Variants in RMDN2 observed in about 807,000 individuals in gnomAD.
The protein encoded by RMDN2 is regulator of microtubule dynamics 2.
Under a neutral mutation model 52.8 loss-of-function variants are expected in RMDN2, and 61 were observed. The ratio of observed to expected loss-of-function variants is 1.16; its 90% confidence interval spans 0.94 to 1.43. The LOEUF is 1.43. Ranked by LOEUF, RMDN2 falls within the 40% of genes most tolerant of loss-of-function variation. RMDN2 has a pLI of 0.00. For synonymous variants in RMDN2, 180 were observed against 153.1 expected, an observed-to-expected ratio of 1.18 and a Z score of -1.30; for missense variants, 592 against 475.3, an observed-to-expected ratio of 1.25 and a Z score of -2.28.
At chr2:37,931,827 C>T (rs752084203) in intron 2 of RMDN2, among the ~76,000 whole-genome samples, 8 of 152,158 alleles carry the variant, frequency 5.3e-5, no homozygotes, top group Non-Finnish European at 1.2e-4. Context: ...AGACTGATGT[C>T]AGGAGAGACA....
rs542661912 is a variant in RMDN2, at chr2:37,959,643, A to G, written c.453-14397A>G. 5.2e-4 allele frequency among the ~76,000 whole-genome samples: 79 copies of G among 150,854 alleles called. 7 individuals are homozygous for G. Among genetic ancestry groups the G allele is most frequent in the African/African-American group, 1.7e-3 (70 of 40,242 alleles). On this transcript the variant is annotated intron_variant, in intron 2 of 10. Coordinates refer to ENST00000354545, the MANE Select transcript of RMDN2 (RefSeq NM_001170791.3). ...TTTTTGAAGGGTTTTTCGTGTCTCT[A>G]TCCCCTTCAGTTCTGCTCAGATCTT...
chr2:38,003,549 T>TAGAC (rs1676607175), intron 8 of RMDN2, among the ~76,000 whole-genome samples: 4 of 108,376 alleles, frequency 3.7e-5, no homozygotes, highest in Admixed American at 2.7e-4. Context: ...CAAGACCTGA[T>TAGAC]AGATAGATAG....
At chr2:38,027,022 C>G (rs944757893) in intron 10 of RMDN2, 1 of 152,090 alleles carries the variant, frequency 6.6e-6, no homozygotes, top group African/African-American at 2.4e-5. Flanking sequence ...TCTGTTCAAA[C>G]TTGTTGAGAC....
chr2:37,984,855 AT>A (rs68005469), intron 5 of RMDN2, among the ~76,000 whole-genome samples: 62,936 of 150,338 alleles, frequency 0.42, 14,443 homozygotes, highest in East Asian at 0.77. Flanking sequence ...AGAAAAAAAA[AT>A]AAAATTAAGT....
chr2:37,970,920 A>G (rs1421033229), intron 2 of RMDN2, among the ~76,000 whole-genome samples: 2 of 152,070 alleles, frequency 1.3e-5, no homozygotes, highest in Admixed American at 6.5e-5. Flanking sequence ...TTATTGTCGA[A>G]TTGTTAAGAG....
chr2:37,962,536 C>G (rs1164920208), intron 2 of RMDN2, among the ~76,000 whole-genome samples: 16 of 152,266 alleles, frequency 1.1e-4, no homozygotes, highest in African/African-American at 2.6e-4. Flanking sequence ...GTGGACGCCC[C>G]TCCCCCACCA....
intron 2 of RMDN2, among the ~76,000 whole-genome samples, chr2:37,960,365 T>C (rs1670044958): frequency 6.6e-6 from 1 of 152,148 alleles, no homozygotes; most frequent in Non-Finnish European, 1.5e-5. Context: ...AATAGTTAGC[T>C]CTTCTTGTTG....
intron 10 of RMDN2, among the ~76,000 whole-genome samples, chr2:38,039,679 A>C (rs1680832900): frequency 6.6e-6 from 1 of 152,214 alleles, no homozygotes; most frequent in Non-Finnish European, 1.5e-5. Flanking sequence ...CCAGTGTCTG[A>C]GGCTGCAGAA....
intron 10 of RMDN2, among the ~76,000 whole-genome samples, chr2:38,039,093 C>CAGAGAGAGAG (rs149752868): frequency 5.5e-5 from 5 of 91,690 alleles, no homozygotes; most frequent in African/African-American, 1.5e-4. Context: ...CACACACACA[C>CAGAGAGAGAG]AGAGAGAGAG....
chr2:38,056,141 T>C (rs1681847907), intron 10 of RMDN2, among the ~76,000 whole-genome samples: 1 of 152,190 alleles, frequency 6.6e-6, no homozygotes, highest in African/African-American at 2.4e-5. Context: ...GGCAGCACTG[T>C]GCCAGGCACC....
At chr2:37,958,430 G>A (rs1467413662) in intron 2 of RMDN2, among the ~76,000 whole-genome samples, 1 of 146,604 alleles carries the variant, frequency 6.8e-6, no homozygotes, top group Non-Finnish European at 1.5e-5. Flanking sequence ...GTTCACTCAT[G>A]ATTTAGCTCT....
intron 5 of RMDN2, among the ~76,000 whole-genome samples, chr2:37,984,377 T>C (rs1237001255): frequency 1.3e-5 from 2 of 152,220 alleles, no homozygotes; most frequent in African/African-American, 2.4e-5. Context: ...CTCTACCCTT[T>C]GCAAATTATA....
intron 2 of RMDN2, among the ~76,000 whole-genome samples, chr2:37,967,294 T>A (rs1215011412): frequency 6.6e-6 from 1 of 152,238 alleles, no homozygotes; most frequent in Non-Finnish European, 1.5e-5. Flanking sequence ...CTAAAACTGT[T>A]GCATCAAGAT....
chr2:37,925,890 G>A (rs1044024839), intron 1 of RMDN2, among the ~76,000 whole-genome samples: 49 of 152,212 alleles, frequency 3.2e-4, no homozygotes, highest in African/African-American at 1.1e-3. Flanking sequence ...ACACAAAAAC[G>A]AAGGCCGGAT....
chr2:37,929,053 T>TAACTTAA, intron 1 of RMDN2: 1 of 403,960 alleles, frequency 2.5e-6, no homozygotes. Flanking sequence ...CTATGCATCT[T>TAACTTAA]TAACTTAATA....
chr2:37,924,685 T>G (rs1250150387), upstream of RMDN2, among the ~76,000 whole-genome samples: 1 of 152,238 alleles, frequency 6.6e-6, no homozygotes, highest in African/African-American at 2.4e-5. Flanking sequence ...AAGAGCGTAT[T>G]TAGCAGAATT....
At chr2:37,942,367 A>C (rs562552552) in intron 2 of RMDN2, among the ~76,000 whole-genome samples, 5 of 152,270 alleles carry the variant, frequency 3.3e-5, no homozygotes, top group South Asian at 2.1e-4. Context: ...GGGAATCCTC[A>C]TGTTTTGTTC....
chr2:38,065,880 A>G (rs1413033987), intron 10 of RMDN2, among the ~76,000 whole-genome samples: 1 of 152,212 alleles, frequency 6.6e-6, no homozygotes, highest in East Asian at 1.9e-4. Flanking sequence ...AGAAGAGAGC[A>G]GTGTGGTGAG....
chr2:37,968,438 C>CAAAAAAAA (rs71400332), intron 2 of RMDN2, among the ~76,000 whole-genome samples: 2 of 89,150 alleles, frequency 2.2e-5, no homozygotes, highest in African/African-American at 4.2e-5. Context: ...GACTCTGTCT[C>CAAAAAAAA]AAAAAAAAAA....
Sources: allele counts gnomAD v4.1 joint callset (sites outside exome capture counted in the v4.1 genomes callset), GRCh38; gene constraint gnomAD v4.1.1; transcripts MANE v1.5; gene names NCBI Gene and HGNC (gene_info 2026-07-23, HGNC 2026-07-21).